FBXL17: variants seen among roughly 807,000 people sequenced by gnomAD.
The protein encoded by FBXL17 is F-box/LRR-repeat protein 17.
FBXL17 carries 22 observed loss-of-function variants against 66.2 expected under a neutral mutation model. That is an observed-to-expected ratio of 0.33 (90% CI 0.24 to 0.47). FBXL17 has a LOEUF of 0.47. Ranked by LOEUF, FBXL17 falls within the 20% of genes least tolerant of loss-of-function variation. The pLI, the probability that FBXL17 is intolerant of heterozygous loss-of-function variation, is 1.00. For synonymous variants in FBXL17, 474 were observed against 400.5 expected, an observed-to-expected ratio of 1.18 and a Z score of -2.19; for missense variants, 878 against 948.2, an observed-to-expected ratio of 0.93 and a Z score of 0.97.
intron 1 of FBXL17, among the ~76,000 whole-genome samples, chr5:108,378,623 C>T (rs1022536263): frequency 1.3e-5 from 2 of 152,192 alleles, no homozygotes; most frequent in African/African-American, 4.8e-5. Context: ...CATGGCTCTA[C>T]CGTGGCTCCA....
intron 3 of FBXL17, among the ~76,000 whole-genome samples, chr5:108,360,677 C>A (rs1748288269): frequency 6.6e-6 from 1 of 152,074 alleles, no homozygotes; most frequent in Non-Finnish European, 1.5e-5. Flanking sequence ...ATTCTTCCTG[C>A]CCCTTTTATT....
At chr5:108,334,729 A>G (rs1760295090) in intron 4 of FBXL17, among the ~76,000 whole-genome samples, 1 of 152,242 alleles carries the variant, frequency 6.6e-6, no homozygotes, top group Admixed American at 6.5e-5. Context: ...GTTTGTTTAA[A>G]ATCCTTTTCC....
chr5:108,019,251 G>A (rs918667998), intron 7 of FBXL17, among the ~76,000 whole-genome samples: 3 of 152,110 alleles, frequency 2.0e-5, no homozygotes, highest in Admixed American at 6.6e-5. Flanking sequence ...CTTCCCTAAG[G>A]TCAAAGAACA....
intron 1 of FBXL17, among the ~76,000 whole-genome samples, chr5:108,378,698 C>T (rs547931601): frequency 1.9e-4 from 29 of 152,284 alleles, no homozygotes; most frequent in African/African-American, 7.0e-4. Flanking sequence ...GGCGTATTCA[C>T]CCTGAGTCTC....
chr5:108,057,540 T>A (rs930673177), intron 6 of FBXL17, among the ~76,000 whole-genome samples: 1 of 152,168 alleles, frequency 6.6e-6, no homozygotes, highest in African/African-American at 2.4e-5. Flanking sequence ...GCCTTTCTGA[T>A]GCATGGATTT....
At chr5:108,081,308 G>C (rs73208848) in intron 6 of FBXL17, among the ~76,000 whole-genome samples, 3,898 of 152,266 alleles carry the variant, frequency 0.026, 172 homozygotes, top group African/African-American at 0.089. Context: ...TGGCGGAAAG[G>C]AAGGATCGAT....
chr5:108,207,407 A>G (rs2150056258), intron 5 of FBXL17, among the ~76,000 whole-genome samples: 1 of 152,080 alleles, frequency 6.6e-6, no homozygotes, highest in African/African-American at 2.4e-5. Context: ...GTATACACAT[A>G]CCATGGTGGT....
Position 108,226,129 on chromosome 5 carries a change from C to A in FBXL17, c.1507-1901G>T, listed in dbSNP as rs573996707. Among the ~76,000 whole-genome samples, 22 of 152,274 alleles carry A rather than the reference C, an allele frequency of 1.4e-4. 1 individual carries two copies. The South Asian group carries it at 4.4e-3, about 30-fold the overall frequency. On this transcript the variant is annotated intron_variant, in intron 4 of 8. Transcript: ENST00000542267. ...TTATCACTACTGATCACATTACACACTTACTCACATATTAGTTTGTCACTC... is the reference window on the plus strand; with the variant it reads ...TTATCACTACTGATCACATTACACAATTACTCACATATTAGTTTGTCACTC...
In FBXL17 at chr5:107,949,482, A is replaced by G. The variant is rs146739306; in HGVS notation, c.1823-68303T>C. Among the ~76,000 whole-genome samples the G allele has an allele frequency of 4.2e-3, 643 of 152,344 alleles. 2 individuals carry two copies. Among genetic ancestry groups the G allele is most frequent in the African/African-American group, 0.014 (602 of 41,578 alleles). ...TCTTTTTACAGACAACACATTCTAC[A>G]TGTTTTAATGAGCAGGGCTGGACCC... On this transcript the variant is annotated intron_variant, in intron 7 of 8. Transcript: ENST00000542267.
chr5:108,125,076 T>C (rs539677140), intron 6 of FBXL17, among the ~76,000 whole-genome samples: 1 of 151,998 alleles, frequency 6.6e-6, no homozygotes, highest in South Asian at 2.1e-4. Flanking sequence ...TACTTCTCCT[T>C]GTTATCTAGG....
chr5:108,251,740 C>A (rs536835164), intron 4 of FBXL17, among the ~76,000 whole-genome samples: 1 of 151,986 alleles, frequency 6.6e-6, no homozygotes, highest in Non-Finnish European at 1.5e-5. Context: ...ATAAACTCTT[C>A]GTAAAGCTCA....
At chr5:108,376,265 A>T (rs1749415238) in intron 1 of FBXL17, among the ~76,000 whole-genome samples, 1 of 152,176 alleles carries the variant, frequency 6.6e-6, no homozygotes, top group South Asian at 2.1e-4. Context: ...TGTACTGGAG[A>T]TTCTGGCTAG....
intron 6 of FBXL17, among the ~76,000 whole-genome samples, chr5:108,113,694 A>T (rs539132215): frequency 6.6e-6 from 1 of 152,256 alleles, no homozygotes; most frequent in Admixed American, 6.5e-5. Context: ...AAAATGTCCA[A>T]TTTTAGGTAT....
intron 4 of FBXL17, among the ~76,000 whole-genome samples, chr5:108,296,406 GTTTC>G (rs1169498487): frequency 6.6e-6 from 1 of 151,746 alleles, no homozygotes; most frequent in African/African-American, 2.4e-5. Context: ...TCTTAAACTT[GTTTC>G]TTTCGGCCTT....
intron 7 of FBXL17, among the ~76,000 whole-genome samples, chr5:107,949,182 A>T (rs1447361106): frequency 2.4e-5 from 1 of 42,046 alleles, no homozygotes; most frequent in African/African-American, 1.2e-4. Context: ...AATGCACTTC[A>T]TAAAAAAAAA....
intron 6 of FBXL17, among the ~76,000 whole-genome samples, chr5:108,030,193 T>A (rs1754982551): frequency 6.6e-6 from 1 of 152,128 alleles, no homozygotes; most frequent in African/African-American, 2.4e-5. Context: ...TGAAATACCA[T>A]AATCACAAAA....
chr5:108,232,805 A>ATATATATATATATATATATATAAT (rs70996987), intron 4 of FBXL17, among the ~76,000 whole-genome samples: 1 of 105,170 alleles, frequency 9.5e-6, no homozygotes, highest in African/African-American at 3.5e-5. Flanking sequence ...ATATATATAT[A>ATATATATATATATATATATATAAT]ATATATACTA....
chr5:108,190,182 G>A (rs2150036853), intron 5 of FBXL17, among the ~76,000 whole-genome samples: 2 of 152,300 alleles, frequency 1.3e-5, no homozygotes, highest in East Asian at 3.9e-4. Context: ...TCAAGACAAG[G>A]GGAATATCCT....
intron 7 of FBXL17, among the ~76,000 whole-genome samples, chr5:107,888,687 G>GTT (rs1179621275): frequency 2.0e-5 from 3 of 152,128 alleles, no homozygotes; most frequent in South Asian, 4.1e-4. Context: ...TACTGGTAGT[G>GTT]TTATGTATAC....
Sources: gnomAD v4.1 joint callset for allele counts (sites outside exome capture counted in the v4.1 genomes callset) on GRCh38, gnomAD v4.1.1 for gene constraint, MANE v1.5 for transcripts, NCBI Gene and HGNC (gene_info 2026-07-23, HGNC 2026-07-21) for gene names.